The following PDZK1IP1 variants were observed in gnomAD, a reference collection of about 807,000 sequenced individuals.
PDZK1IP1 encodes PDZK1-interacting protein 1.
PDZK1IP1 carries 9 observed loss-of-function variants against 14.7 expected under a neutral mutation model. The observed-to-expected ratio is 0.61, with a 90% CI of 0.37 to 1.07. PDZK1IP1 has a LOEUF of 1.07. Ranked by LOEUF, PDZK1IP1 falls within the 50% of genes least tolerant of loss-of-function variation. PDZK1IP1 has a pLI of 0.01. For synonymous variants in PDZK1IP1, 70 were observed against 61.2 expected (o/e 1.14, Z -0.67); for missense variants, 152 against 148.7 (o/e 1.02, Z -0.11).
chr1:47,185,332 C>A, intron 2 of PDZK1IP1: 1 of 498,512 alleles, frequency 2.0e-6, no homozygotes, highest in Admixed American at 3.3e-5. Context: ...GAGTCCAAAG[C>A]CTCTCTCTGT....
chr1:47,183,912 T>C lies in PDZK1IP1; in HGVS notation c.*59A>G, dbSNP rs1645299973. 1 of 1,358,872 alleles carries C rather than the reference T, an allele frequency of 7.4e-7. No individual in the cohort carries two copies. Among genetic ancestry groups the C allele is most frequent in the Non-Finnish European group, 1.0e-6 (1 of 968,100 alleles). 84.2% of individuals were successfully genotyped at this position (1,358,872 alleles called of 1,614,324 possible). A position where few individuals can be genotyped will look rare whatever the true frequency, so the allele number is the denominator to read the frequency against. ...ACAAAGAAGGAGGGGGCTTGGGTGG[T>C]AGCACTGGACATCCATCCCATGTGC... On this transcript the variant is annotated 3_prime_UTR_variant, in exon 4 of 4. Coordinates refer to ENST00000294338, the MANE Select transcript of PDZK1IP1 (RefSeq NM_005764.4).
chr1:47,186,368 C>A (rs1237411886), intron 2 of PDZK1IP1, among the ~76,000 whole-genome samples: 1 of 152,162 alleles, frequency 6.6e-6, no homozygotes, highest in Non-Finnish European at 1.5e-5. Flanking sequence ...TAGGTAAAGT[C>A]CAAAGCTCAG....
intron 3 of PDZK1IP1, 24 bp downstream of exon 3, chr1:47,184,978 G>C (rs368607053): frequency 1.3e-6 from 2 of 1,579,004 alleles, no homozygotes; most frequent in African/African-American, 1.3e-5. Context: ...AGCACAGACC[G>C]GGCAGCCCTG....
Position 47,183,690 on chromosome 1 carries a change from AC to A in PDZK1IP1, c.*280del. ...GCCATTTCCATAGTTATGGGGAAGG[AC>A]GTGTGAGCAGGATGGGAGGTGCTCA... On this transcript the variant is annotated 3_prime_UTR_variant, in exon 4 of 4. Transcript: ENST00000294338. The A allele has an allele frequency of 2.1e-6, 1 of 465,916 alleles. No homozygotes were observed. Among genetic ancestry groups the A allele is most frequent in the Non-Finnish European group, 3.8e-6 (1 of 263,100 alleles). 28.9% of individuals were successfully genotyped at this position (465,916 alleles called of 1,614,324 possible). A position where few individuals can be genotyped will look rare whatever the true frequency, so the allele number is the denominator to read the frequency against.
At position 47,187,302 on chromosome 1, in the gene PDZK1IP1, C is replaced by A. The variant is rs369843724; in HGVS notation, c.176+17G>T. 32 of 1,591,526 alleles carry A rather than the reference C, an allele frequency of 2.0e-5. No homozygotes were observed. The highest frequency in any genetic ancestry group is 2.5e-5 in the Non-Finnish European group (29 of 1,160,946). ...GGGCCCACCCTGCCTGCTCAGGGAC[C>A]CTTGGGCAGCACTCACGGCTCCTCC... On this transcript the variant is annotated intron_variant, in intron 2 of 3. Coordinates refer to ENST00000294338, the MANE Select transcript of PDZK1IP1 (RefSeq NM_005764.4).
rs754623664 is a variant in PDZK1IP1 at position 47,189,900 on chromosome 1, C to T, written c.33G>A (p.Leu11=). Residue 11 remains leucine (L), a synonymous_variant, in exon 1 of 4, where the codon CTG becomes CTA. Coordinates refer to ENST00000294338, the MANE Select transcript of PDZK1IP1 (RefSeq NM_005764.4). The part of the protein sequence containing the change: MSALSLLILG[L]LTAVPPASCQ... ...AGCTGGCAGGTGGCACTGCCGTGAG[C>T]AGGCCCAGAATGAGGAGGCTGAGGG... The T allele has an allele frequency of 1.6e-5, 26 of 1,596,838 alleles. No individual in the cohort carries two copies. The highest frequency in any genetic ancestry group is 2.0e-5 in the Non-Finnish European group (24 of 1,178,712).
intron 2 of PDZK1IP1, among the ~76,000 whole-genome samples, chr1:47,186,270 T>A (rs1207689606): frequency 2.0e-5 from 3 of 150,816 alleles, no homozygotes; most frequent in Non-Finnish European, 4.4e-5. Flanking sequence ...ATAGAGCCAT[T>A]GCACTCCAGC....
intron 2 of PDZK1IP1, among the ~76,000 whole-genome samples, chr1:47,186,319 G>GA (rs60716699): frequency 3.6e-3 from 508 of 140,096 alleles, no homozygotes; most frequent in Middle Eastern, 7.6e-3. Flanking sequence ...CAAAAAAAAA[G>GA]AAAAAAAAAA....
In PDZK1IP1 at chr1:47,186,715, G is replaced by A. The variant is rs534356937; in HGVS notation, c.176+604C>T. Among the ~76,000 whole-genome samples, 8 of 152,222 alleles carry A rather than the reference G, an allele frequency of 5.3e-5. No individual in the cohort carries two copies. In the South Asian group the frequency reaches 1.0e-3, roughly 20 times the overall value. On this transcript the variant is annotated intron_variant, in intron 2 of 3. Transcript: ENST00000294338. ...GGTGTACCCTTCCCTCAACTGCAGC[G>A]CTCTTCCCACGCCACTCTATCCTGG...
In PDZK1IP1 at chr1:47,185,081, T is replaced by C. The variant is rs951388594; in HGVS notation, c.193A>G (p.Ile65Val). Residue 65 changes from isoleucine to valine, a missense_variant, in exon 3 of 4, where the codon ATC becomes GTC. By Grantham distance (29) the Ile-to-Val change is conservative (BLOSUM62 3). Coordinates refer to ENST00000294338, the MANE Select transcript of PDZK1IP1 (RefSeq NM_005764.4). The part of the protein sequence containing the change: ...CQEEPEPAHM[I>V]LTVGNKADGV... ...TCTGCCTTGTTTCCGACGGTCAGGA[T>C]CATGTGTGCAGGCTCCCTGGGGATG... 1.2e-6 allele frequency: 2 copies of C among 1,613,208 alleles called. No individual in the cohort carries two copies. Among genetic ancestry groups the C allele is most frequent in the Non-Finnish European group, 1.7e-6 (2 of 1,179,850 alleles).
rs763749723 is a variant in PDZK1IP1, at chr1:47,183,800, G to A, written c.*171C>T. The stretch of plus-strand genomic sequence containing the variant: ...CCGAGCCCCAACCTAGACACGGTCT[G>A]AGCTCCAACCTTGGCTGGCTATACT... On this transcript the variant is annotated 3_prime_UTR_variant, in exon 4 of 4. Coordinates refer to ENST00000294338, the MANE Select transcript of PDZK1IP1 (RefSeq NM_005764.4). 3 of 644,254 alleles carry A rather than the reference G, an allele frequency of 4.7e-6. No individual in the cohort carries two copies. Among genetic ancestry groups the A allele is most frequent in the Non-Finnish European group, 5.5e-6 (2 of 360,376 alleles). The allele number at this position is 644,254 out of a possible 1,614,324, so 39.9% of individuals were successfully genotyped here.
At chr1:47,189,354 A>T (rs1191225225) in intron 1 of PDZK1IP1, among the ~76,000 whole-genome samples, 2 of 152,138 alleles carry the variant, frequency 1.3e-5, no homozygotes, top group African/African-American at 4.8e-5. Flanking sequence ...GGTGGGGTTT[A>T]TTGTTCTCAT....
In PDZK1IP1 at chr1:47,185,014, G is replaced by A. The variant is rs746288679; in HGVS notation, c.260C>T (p.Ala87Val). The change falls in exon 3 of 4, where the codon GCG becomes GTG. Residue 87 changes from alanine to valine, a missense_variant. Coordinates refer to ENST00000294338, the MANE Select transcript of PDZK1IP1 (RefSeq NM_005764.4). ...CCCTGCACCTCACCTGAAACTGGCC[G>A]CCATCGAAGAGTACCTTCCATCTGT... The part of the protein sequence containing the change: ...VGTDGRYSSM[A>V]ASFRSSEHEN... 5.0e-6 allele frequency: 8 copies of A among 1,612,676 alleles called. No homozygotes were observed. The highest frequency in any genetic ancestry group is 1.7e-5 in the Admixed American group (1 of 59,980).
chr1:47,184,988 G>T lies in PDZK1IP1; in HGVS notation c.272+14C>A, dbSNP rs1353536860. Reference sequence around the variant, plus strand: ...CTGGGAGCACAGACCGGGCAGCCCTGCCCTGCACCTCACCTGAAACTGGCC... The same window carrying T: ...CTGGGAGCACAGACCGGGCAGCCCTTCCCTGCACCTCACCTGAAACTGGCC... On this transcript the variant is annotated intron_variant, in intron 3 of 3. Coordinates refer to ENST00000294338, the MANE Select transcript of PDZK1IP1 (RefSeq NM_005764.4). 8.7e-6 allele frequency: 14 copies of T among 1,601,422 alleles called. No homozygotes were observed. The highest frequency in any genetic ancestry group is 1.2e-5 in the Non-Finnish European group (14 of 1,169,184).
chr1:47,188,620 C>G (rs1322263331), intron 1 of PDZK1IP1, among the ~76,000 whole-genome samples: 1 of 152,182 alleles, frequency 6.6e-6, no homozygotes, highest in Non-Finnish European at 1.5e-5. Context: ...CAAATGTCCT[C>G]CTTTGAGTCT....
At chr1:47,187,874 C>G (rs935752665) in intron 1 of PDZK1IP1, among the ~76,000 whole-genome samples, 1 of 152,214 alleles carries the variant, frequency 6.6e-6, no homozygotes, top group African/African-American at 2.4e-5. Flanking sequence ...CAAGACTGGT[C>G]TGGGATCTAG....
chr1:47,185,864 A>G (rs1257636438), intron 2 of PDZK1IP1, among the ~76,000 whole-genome samples: 2 of 151,978 alleles, frequency 1.3e-5, no homozygotes, highest in African/African-American at 4.8e-5. Flanking sequence ...TGCCACCGCT[A>G]CAGTCCAGAC....
intron 3 of PDZK1IP1, 26 bp from the exon 4 acceptor site, chr1:47,184,069 T>C (rs1557660266): frequency 1.3e-6 from 2 of 1,539,180 alleles, no homozygotes; most frequent in Non-Finnish European, 1.8e-6. Context: ...ATGGGCCTGA[T>C]GGGTCATCGC....
intron 2 of PDZK1IP1, among the ~76,000 whole-genome samples, chr1:47,186,085 C>T (rs995027579): frequency 3.3e-5 from 5 of 152,034 alleles, no homozygotes; most frequent in African/African-American, 9.7e-5. Context: ...CTGAGGCAGG[C>T]GGATCACGAG....
Sources: gnomAD v4.1 joint callset for allele counts (sites outside exome capture counted in the v4.1 genomes callset) on GRCh38, gnomAD v4.1.1 for gene constraint, MANE v1.5 for transcripts, NCBI Gene and HGNC (gene_info 2026-07-23, HGNC 2026-07-21) for gene names.